Variants in AKAP6 observed in about 807,000 individuals in gnomAD.
The protein encoded by AKAP6 is A-kinase anchor protein 6.
A neutral mutation model predicts 188.5 loss-of-function variants in AKAP6; 58 were observed. The ratio of observed to expected loss-of-function variants is 0.31; its 90% CI spans 0.25 to 0.38. The LOEUF is 0.38. Among genes scored for constraint, AKAP6 ranks in the 10% least tolerant of loss-of-function variants. The probability of loss-of-function intolerance (pLI) is 1.00; values close to 1 mark genes in which losing one functional copy is unlikely to be tolerated. For missense variants in AKAP6, 2,710 were observed against 2,740.0 expected (o/e 0.99, Z 0.24); for synonymous variants, 989 against 998.6 (o/e 0.99, Z 0.18).
chr14:32,734,913 A>G (rs1485206728), intron 10 of AKAP6, among the ~76,000 whole-genome samples: 3 of 152,090 alleles, frequency 2.0e-5, no homozygotes, highest in African/African-American at 7.2e-5. Flanking sequence ...GCTTTCCACC[A>G]AAAAGAAAAA....
chr14:32,619,480 G>T (rs979945072), intron 7 of AKAP6, among the ~76,000 whole-genome samples: 7 of 152,104 alleles, frequency 4.6e-5, no homozygotes, highest in Middle Eastern at 3.2e-3. Flanking sequence ...TCAGTTGGTT[G>T]TAAGTATTTG....
intron 7 of AKAP6, among the ~76,000 whole-genome samples, chr14:32,658,780 TAA>T (rs34420236): frequency 0.2 from 26,500 of 135,868 alleles, 2,662 homozygotes; most frequent in Admixed American, 0.29. Flanking sequence ...AAGTCTTCTT[TAA>T]AAAAAAAAAA....
intron 5 of AKAP6, among the ~76,000 whole-genome samples, chr14:32,585,510 G>C (rs2139299553): frequency 6.6e-6 from 1 of 152,262 alleles, no homozygotes; most frequent in Non-Finnish European, 1.5e-5. Context: ...GTGTGTGTGT[G>C]TGTGTATGTA....
At chr14:32,540,133 T>G (rs545694858) in intron 3 of AKAP6, among the ~76,000 whole-genome samples, 90 of 62,118 alleles carry the variant, frequency 1.4e-3, no homozygotes, top group African/African-American at 6.9e-3. Flanking sequence ...GCTCGTGCGC[T>G]CTCTCTCTCT....
chr14:32,660,930 C>G (rs1044639445), intron 7 of AKAP6, among the ~76,000 whole-genome samples: 14 of 95,398 alleles, frequency 1.5e-4, no homozygotes, highest in African/African-American at 4.9e-4. Flanking sequence ...CGCCACCCCC[C>G]CCCCTCCCAA....
In AKAP6 at chr14:32,620,920, C is replaced by A. The variant is rs116872223; in HGVS notation, c.2730+20128C>A. On this transcript the variant is annotated intron_variant, in intron 7 of 13. Coordinates refer to ENST00000280979, the MANE Select transcript of AKAP6 (RefSeq NM_004274.5). Reference sequence around the variant, plus strand: ...GGTCATAAGTTCCCTGGAATTTATCCATTTCCTCTAGATTTTTTAGTTGTG... The same window carrying A: ...GGTCATAAGTTCCCTGGAATTTATCAATTTCCTCTAGATTTTTTAGTTGTG... Among the ~76,000 whole-genome samples, 32 of 151,830 alleles carry A rather than the reference C, an allele frequency of 2.1e-4. 1 individual carries two copies. The East Asian group carries it at 6.0e-3, about 28-fold the overall frequency.
intron 12 of AKAP6, among the ~76,000 whole-genome samples, chr14:32,805,361 C>G (rs546945051): frequency 1.3e-5 from 2 of 152,126 alleles, no homozygotes; most frequent in Non-Finnish European, 2.9e-5. Context: ...AGTTGCCCAG[C>G]CATGTACCAT....
rs1003757077 is a variant in AKAP6, at chr14:32,836,310, A to C, written c.*6505A>C. 6.6e-6 allele frequency: 1 copy of C among 152,100 alleles called. No individual in the cohort carries two copies. The highest frequency in any genetic ancestry group is 1.5e-5 in the Non-Finnish European group (1 of 68,056). The allele number at this position is 152,100 out of a possible 1,614,324, so 9.4% of individuals were successfully genotyped here. On this transcript the variant is annotated 3_prime_UTR_variant, in exon 14 of 14. Coordinates refer to ENST00000280979, the MANE Select transcript of AKAP6 (RefSeq NM_004274.5). Reference sequence around the variant, plus strand: ...GGCTCACTTTCTGTTTCATTGATGCACCTTACTGCATCCTCATCTGGTGGA... The same window carrying C: ...GGCTCACTTTCTGTTTCATTGATGCCCCTTACTGCATCCTCATCTGGTGGA...
chr14:32,751,073 G>A (rs2032118802), intron 11 of AKAP6, among the ~76,000 whole-genome samples: 1 of 152,112 alleles, frequency 6.6e-6, no homozygotes, highest in African/African-American at 2.4e-5. Context: ...GGGCAAGATA[G>A]TGGGACTGGG....
intron 11 of AKAP6, among the ~76,000 whole-genome samples, chr14:32,760,270 T>C (rs1471783403): frequency 6.6e-6 from 1 of 152,244 alleles, no homozygotes; most frequent in African/African-American, 2.4e-5. Flanking sequence ...TTCAAAATTG[T>C]ATTTTATAAT....
chr14:32,462,901 C>CAAAAAAAAAAAAAAAAAAAAAA (rs71143943), intron 2 of AKAP6, among the ~76,000 whole-genome samples: 1 of 8,822 alleles, frequency 1.1e-4, no homozygotes, highest in African/African-American at 4.5e-4. Flanking sequence ...AAATGGAAAG[C>CAAAAAAAAAAAAAAAAAAAAAA]AAAAAAAAAA....
chr14:32,361,639 C>G (rs1416716141), intron 1 of AKAP6, among the ~76,000 whole-genome samples: 2 of 152,134 alleles, frequency 1.3e-5, no homozygotes, highest in African/African-American at 4.8e-5. Flanking sequence ...ATATTTCTAC[C>G]TGCAGTTATG....
At chr14:32,590,639 G>A (rs553167606) in intron 5 of AKAP6, among the ~76,000 whole-genome samples, 8 of 152,096 alleles carry the variant, frequency 5.3e-5, no homozygotes, top group Non-Finnish European at 1.0e-4. Context: ...TTGTCACAGG[G>A]CTTTCTAGGT....
intron 12 of AKAP6, among the ~76,000 whole-genome samples, chr14:32,801,789 T>C (rs574190455): frequency 3.0e-4 from 45 of 152,308 alleles, no homozygotes; most frequent in Admixed American, 1.4e-3. Flanking sequence ...TATAGTTTGG[T>C]GGTTTTTTTC....
intron 1 of AKAP6, among the ~76,000 whole-genome samples, chr14:32,410,171 C>A (rs1889436132): frequency 6.6e-6 from 1 of 151,794 alleles, no homozygotes; most frequent in Non-Finnish European, 1.5e-5. Context: ...CTTTGCAGAT[C>A]CAGGAGATAA....
At position 32,545,922 on chromosome 14, in the gene AKAP6, A is replaced by G; in HGVS notation, c.1269A>G (p.Arg423=). The G allele has an allele frequency of 6.2e-7, 1 of 1,614,198 alleles. No individual in the cohort carries two copies. The change falls in exon 4 of 14, where the codon AGA becomes AGG. Residue 423 remains arginine (R), a synonymous_variant. Transcript: ENST00000280979. ...TTGATCTAAAGCCTGAGATGAGCAG[A>G]AGCACCCCTTCGCTAGTAGATCCTC... ...QMVDLKPEMS[R]STPSLVDPPD...
intron 8 of AKAP6, among the ~76,000 whole-genome samples, chr14:32,690,118 C>CACAT (rs1890115755): frequency 6.6e-6 from 1 of 150,676 alleles, no homozygotes. Context: ...CACACACACA[C>CACAT]ACGATTACTC....
intron 7 of AKAP6, among the ~76,000 whole-genome samples, chr14:32,604,560 T>C (rs1886058731): frequency 6.6e-6 from 1 of 152,178 alleles, no homozygotes. Context: ...CAAACACATA[T>C]AATAATAATA....
At chr14:32,761,144 C>G (rs2032523131) in intron 11 of AKAP6, among the ~76,000 whole-genome samples, 1 of 143,648 alleles carries the variant, frequency 7.0e-6, no homozygotes, top group African/African-American at 2.9e-5. Context: ...GCCATCTCTA[C>G]CTTTGCCTCT....
Sources: gnomAD v4.1 joint callset for allele counts (sites outside exome capture counted in the v4.1 genomes callset) on GRCh38, gnomAD v4.1.1 for gene constraint, MANE v1.5 for transcripts, NCBI Gene and HGNC (gene_info 2026-07-23, HGNC 2026-07-21) for gene names.